The following MYT1L variants were observed in gnomAD, a reference collection of about 807,000 sequenced individuals.
MYT1L encodes myelin transcription factor 1 like.
A neutral mutation model predicts 126.7 loss-of-function variants in MYT1L; 12 were observed. The ratio of observed to expected loss-of-function variants is 0.09; its 90% CI spans 0.06 to 0.15. MYT1L has a LOEUF of 0.15. Ranked by LOEUF, MYT1L falls within the 10% of genes least tolerant of loss-of-function variation. The probability of loss-of-function intolerance (pLI) is 1.00; values close to 1 mark genes in which losing one functional copy is unlikely to be tolerated. For missense variants in MYT1L, 979 were observed against 1,585.2 expected, an observed-to-expected ratio of 0.62 and a Z score of 6.49; for synonymous variants, 541 against 604.2, an observed-to-expected ratio of 0.90 and a Z score of 1.53.
intron 3 of MYT1L, among the ~76,000 whole-genome samples, chr2:2,071,089 A>G (rs2074540687): frequency 6.6e-6 from 1 of 152,214 alleles, no homozygotes; most frequent in African/African-American, 2.4e-5. Flanking sequence ...ATGTACAGAT[A>G]AATCCTGACC....
rs546105063 is a variant in MYT1L, at chr2:2,201,151, C to G, written c.-420-28163G>C. 1.2e-4 allele frequency among the ~76,000 whole-genome samples: 19 copies of G among 152,150 alleles called. No homozygotes were observed. In the South Asian group the frequency reaches 1.7e-3, roughly 13 times the overall value. On this transcript the variant is annotated intron_variant, in intron 2 of 24. Transcript: ENST00000647738. ...TGAAAAGACCTAACATTGAAACAGA[C>G]AAAAAAGTGTGTCTGTTCAGAACTG...
intron 4 of MYT1L, among the ~76,000 whole-genome samples, chr2:2,015,739 G>A (rs965473207): frequency 7.9e-5 from 12 of 152,164 alleles, no homozygotes; most frequent in Non-Finnish European, 1.2e-4. Flanking sequence ...CCAGCACACC[G>A]GCTGTCCACT....
chr2:1,898,684 G>A (rs1249262048), intron 14 of MYT1L, among the ~76,000 whole-genome samples: 2 of 152,190 alleles, frequency 1.3e-5, no homozygotes, highest in East Asian at 1.9e-4. Context: ...GTGTGGCACC[G>A]AGCTCCATGG....
chr2:2,165,288 TCACACACA>T (rs34958118), intron 3 of MYT1L, among the ~76,000 whole-genome samples: 5 of 148,582 alleles, frequency 3.4e-5, no homozygotes, highest in Admixed American at 6.7e-5. Context: ...CACAAACCAA[TCACACACA>T]CACACACACA....
intron 8 of MYT1L, among the ~76,000 whole-genome samples, chr2:1,968,423 C>T (rs1181673988): frequency 6.6e-6 from 1 of 152,216 alleles, no homozygotes; most frequent in Non-Finnish European, 1.5e-5. Context: ...TTTCCCCCTC[C>T]TCTCCTCCCT....
chr2:2,262,816 T>G lies in MYT1L; in HGVS notation c.-421+21588A>C, dbSNP rs151123675. On this transcript the variant is annotated intron_variant, in intron 2 of 24. Transcript: ENST00000647738. Reference sequence around the variant, plus strand: ...TTCTGTCCAATTCCAAATAAAGACATGTGTTTCAAAGCACAGCATTTTTCT... The same window carrying G: ...TTCTGTCCAATTCCAAATAAAGACAGGTGTTTCAAAGCACAGCATTTTTCT... 9.7e-3 allele frequency among the ~76,000 whole-genome samples: 1,443 copies of G among 149,166 alleles called. 24 individuals carry two copies. The highest frequency in any genetic ancestry group is 0.034 in the African/African-American group (1,376 of 40,444).
intron 3 of MYT1L, among the ~76,000 whole-genome samples, chr2:2,058,585 T>C (rs964099349): frequency 9.2e-5 from 14 of 152,142 alleles, no homozygotes; most frequent in African/African-American, 3.4e-4. Flanking sequence ...GAATTGTGCC[T>C]GGCACACACT....
chr2:1,826,620 G>A (rs1285334194), intron 21 of MYT1L, among the ~76,000 whole-genome samples: 1 of 152,176 alleles, frequency 6.6e-6, no homozygotes, highest in Non-Finnish European at 1.5e-5. Context: ...GAGATTAAAG[G>A]AAAAGAAGCA....
intron 1 of MYT1L, among the ~76,000 whole-genome samples, chr2:2,297,019 T>C (rs2095705194): frequency 6.6e-6 from 1 of 152,110 alleles, no homozygotes; most frequent in Non-Finnish European, 1.5e-5. Flanking sequence ...TCGGGGCCAA[T>C]TGGAACCACC....
chr2:1,837,861 G>A (rs1012037589), intron 21 of MYT1L, among the ~76,000 whole-genome samples: 1 of 151,664 alleles, frequency 6.6e-6, no homozygotes, highest in Non-Finnish European at 1.5e-5. Context: ...GGATTAGGTC[G>A]GGGAAAGGAC....
intron 3 of MYT1L, among the ~76,000 whole-genome samples, chr2:2,115,928 T>G (rs1044716718): frequency 6.7e-6 from 1 of 150,178 alleles, no homozygotes; most frequent in Non-Finnish European, 1.5e-5. Context: ...TGCTGTGCAG[T>G]TGAGGAAGCT....
intron 2 of MYT1L, among the ~76,000 whole-genome samples, chr2:2,211,387 A>C (rs1165707266): frequency 6.6e-6 from 1 of 152,172 alleles, no homozygotes; most frequent in Non-Finnish European, 1.5e-5. Context: ...TTTGCTTTGA[A>C]GCATGATCTT....
At chr2:1,901,625 A>C (rs1056282933) in intron 14 of MYT1L, among the ~76,000 whole-genome samples, 7 of 152,250 alleles carry the variant, frequency 4.6e-5, no homozygotes, top group Non-Finnish European at 8.8e-5. Context: ...GATGTGCAGC[A>C]ATTCCTGTAG....
At chr2:1,966,846 C>G (rs2059402806) in intron 8 of MYT1L, among the ~76,000 whole-genome samples, 1 of 151,100 alleles carries the variant, frequency 6.6e-6, no homozygotes, top group African/African-American at 2.4e-5. Flanking sequence ...AAAAGAAGAG[C>G]AAAACTGTCT....
intron 8 of MYT1L, among the ~76,000 whole-genome samples, chr2:1,958,616 C>T (rs1468302342): frequency 1.3e-5 from 2 of 152,216 alleles, no homozygotes; most frequent in African/African-American, 2.4e-5. Flanking sequence ...TGCTGCCCTC[C>T]GTCAGAGCCG....
chr2:2,072,833 T>C (rs764675954), intron 3 of MYT1L, among the ~76,000 whole-genome samples: 2 of 152,188 alleles, frequency 1.3e-5, no homozygotes, highest in African/African-American at 4.8e-5. Context: ...CCTTTACCAT[T>C]TGCCATCATT....
At chr2:2,165,883 CTTTTA>C (rs1559200354) in intron 3 of MYT1L, among the ~76,000 whole-genome samples, 1 of 150,346 alleles carries the variant, frequency 6.7e-6, no homozygotes, top group East Asian at 1.9e-4. Flanking sequence ...ATAATAAAAT[CTTTTA>C]TTTTTCTACT....
chr2:1,998,199 A>C (rs1383465228), intron 4 of MYT1L, among the ~76,000 whole-genome samples: 1 of 152,176 alleles, frequency 6.6e-6, no homozygotes, highest in South Asian at 2.1e-4. Context: ...CAAAGGATTC[A>C]GTGCTTCTTG....
At chr2:2,279,262 A>G (rs1443233893) in intron 2 of MYT1L, among the ~76,000 whole-genome samples, 1 of 152,226 alleles carries the variant, frequency 6.6e-6, no homozygotes, top group African/African-American at 2.4e-5. Flanking sequence ...GGCTAATAGT[A>G]TCTACTTTTC....
Sources: allele counts gnomAD v4.1 joint callset (sites outside exome capture counted in the v4.1 genomes callset), GRCh38; gene constraint gnomAD v4.1.1; transcripts MANE v1.5; gene names NCBI Gene and HGNC (gene_info 2026-07-23, HGNC 2026-07-21).